The following IGF2BP3 variants were observed in gnomAD, a reference collection of about 807,000 sequenced individuals.
The protein encoded by IGF2BP3 is insulin-like growth factor 2 mRNA-binding protein 3.
Under a neutral mutation model 73.8 loss-of-function variants are expected in IGF2BP3, and 9 were observed. The observed-to-expected ratio is 0.12, with a 90% confidence interval of 0.07 to 0.21. IGF2BP3 has a LOEUF of 0.21. Ranked by LOEUF, IGF2BP3 falls within the 10% of genes least tolerant of loss-of-function variation. The probability of loss-of-function intolerance (pLI) is 1.00; values close to 1 mark genes in which losing one functional copy is unlikely to be tolerated. For missense variants in IGF2BP3, 542 were observed against 714.0 expected, an observed-to-expected ratio of 0.76 and a Z score of 2.75; for synonymous variants, 258 against 256.7, an observed-to-expected ratio of 1.01 and a Z score of -0.05.
chr7:23,442,400 T>G (rs1053803421), intron 2 of IGF2BP3, among the ~76,000 whole-genome samples: 1 of 130,000 alleles, frequency 7.7e-6, no homozygotes, highest in African/African-American at 2.9e-5. Context: ...ACATTCCATT[T>G]TTGTTTTGTT....
chr7:23,428,089 T>C (rs1471826694), intron 2 of IGF2BP3, among the ~76,000 whole-genome samples: 50 of 152,070 alleles, frequency 3.3e-4, no homozygotes, highest in Non-Finnish European at 2.5e-4. Flanking sequence ...AGCAGGAGGA[T>C]CACTTGAACC....
At chr7:23,392,689 G>T (rs1786323472) in intron 3 of IGF2BP3, among the ~76,000 whole-genome samples, 1 of 152,068 alleles carries the variant, frequency 6.6e-6, no homozygotes, top group African/African-American at 2.4e-5. Context: ...CAGTATGATT[G>T]CATGATCACG....
At chr7:23,320,961 AAAAAAAAAG>A (rs61225624) in intron 10 of IGF2BP3, among the ~76,000 whole-genome samples, 1,774 of 149,782 alleles carry the variant, frequency 0.012, 29 homozygotes, top group African/African-American at 0.042. Flanking sequence ...AAAAAAAAAA[AAAAAAAAAG>A]AAAAAACAAA....
chr7:23,413,808 C>A (rs1331970987), intron 3 of IGF2BP3: 1 of 152,114 alleles, frequency 6.6e-6, no homozygotes, highest in East Asian at 1.9e-4. Context: ...CCACCATTTT[C>A]CCTTATTTCT....
intron 3 of IGF2BP3, chr7:23,402,485 G>C (rs947381985): frequency 6.6e-6 from 1 of 152,194 alleles, no homozygotes; most frequent in Non-Finnish European, 1.5e-5. Context: ...GCAAAACAAA[G>C]GAGGTGATGG....
At chr7:23,326,393 C>T (rs1370369817) in intron 10 of IGF2BP3, among the ~76,000 whole-genome samples, 17 of 152,018 alleles carry the variant, frequency 1.1e-4, no homozygotes, top group Non-Finnish European at 2.4e-4. Flanking sequence ...GCTAGAATGG[C>T]AATCATTAAA....
At chr7:23,345,855 G>T in intron 8 of IGF2BP3, 85 bp downstream of exon 8, 1 of 1,464,530 alleles carries the variant, frequency 6.8e-7, no homozygotes, top group Non-Finnish European at 9.2e-7. Flanking sequence ...TGAAGCAGCT[G>T]TAAAGTGGGA....
rs146567456 is a variant in IGF2BP3, at chr7:23,397,916, G to A, written c.285+20860C>T. Among the ~76,000 whole-genome samples, 252 of 152,308 alleles carry A rather than the reference G, an allele frequency of 1.7e-3. 2 individuals carry two copies. The highest frequency in any genetic ancestry group is 5.8e-3 in the African/African-American group (242 of 41,556). ...ATATTATATGGGATTACCCGGGTGA[G>A]CCTTATGTAATCATGGATCCTTACA... is the stretch of plus-strand genomic sequence containing the variant. On this transcript the variant is annotated intron_variant, in intron 3 of 14. Transcript: ENST00000258729.
At chr7:23,347,809 A>G in intron 6 of IGF2BP3, 75 bp from the exon 7 acceptor site, 1 of 1,570,794 alleles carries the variant, frequency 6.4e-7, no homozygotes, top group Non-Finnish European at 8.7e-7. Flanking sequence ...TAATTACCAA[A>G]TGCAAAGTCA....
intron 2 of IGF2BP3, among the ~76,000 whole-genome samples, chr7:23,446,508 G>A (rs543139881): frequency 5.9e-5 from 9 of 152,254 alleles, no homozygotes; most frequent in Non-Finnish European, 1.3e-4. Context: ...AGTGAGCCGA[G>A]ATCGCACCAC....
intron 10 of IGF2BP3, among the ~76,000 whole-genome samples, chr7:23,320,947 C>CAAAAAAAA (rs70966008): frequency 3.1e-5 from 3 of 96,522 alleles, no homozygotes; most frequent in Admixed American, 1.0e-4. Context: ...AACTCTGTCT[C>CAAAAAAAA]AAAAAAAAAA....
At chr7:23,371,506 AAAAC>A (rs1388306479) in intron 3 of IGF2BP3, among the ~76,000 whole-genome samples, 1 of 152,240 alleles carries the variant, frequency 6.6e-6, no homozygotes, top group Admixed American at 6.5e-5. Flanking sequence ...ATATAATTCT[AAAAC>A]AAAATAAAGA....
intron 3 of IGF2BP3, among the ~76,000 whole-genome samples, chr7:23,412,276 C>T (rs1787048719): frequency 6.6e-6 from 1 of 152,146 alleles, no homozygotes; most frequent in South Asian, 2.1e-4. Flanking sequence ...AGCCACCATA[C>T]CAGGCCTACT....
chr7:23,455,429 C>T (rs1788293553), intron 2 of IGF2BP3, among the ~76,000 whole-genome samples: 1 of 152,190 alleles, frequency 6.6e-6, no homozygotes, highest in Non-Finnish European at 1.5e-5. Context: ...TTTCACATCC[C>T]TCTCTGAATG....
intron 7 of IGF2BP3, among the ~76,000 whole-genome samples, 157 bp downstream of exon 7, chr7:23,347,443 T>TAC (rs1562690054): frequency 6.6e-6 from 1 of 152,148 alleles, no homozygotes; most frequent in African/African-American, 2.4e-5. Flanking sequence ...TTAAAAGACA[T>TAC]ACACTTCACA....
intron 2 of IGF2BP3, among the ~76,000 whole-genome samples, chr7:23,441,915 G>T (rs988292698): frequency 4.6e-5 from 7 of 152,008 alleles, no homozygotes; most frequent in African/African-American, 1.7e-4. Context: ...ACCTGAGGTC[G>T]TGAGTTTGAG....
intron 12 of IGF2BP3, among the ~76,000 whole-genome samples, chr7:23,317,194 A>T (rs1182224224): frequency 6.6e-6 from 1 of 152,210 alleles, no homozygotes; most frequent in African/African-American, 2.4e-5. Flanking sequence ...CCTATCTCTA[A>T]GATCCCAGGG....
chr7:23,431,661 C>T (rs1471198103), intron 2 of IGF2BP3, among the ~76,000 whole-genome samples: 3 of 152,078 alleles, frequency 2.0e-5, no homozygotes, highest in African/African-American at 7.2e-5. Context: ...ATTACAAGGT[C>T]CCCTACACCG....
intron 2 of IGF2BP3, among the ~76,000 whole-genome samples, chr7:23,459,444 G>A (rs1788393069): frequency 6.6e-6 from 1 of 152,140 alleles, no homozygotes; most frequent in Non-Finnish European, 1.5e-5. Flanking sequence ...CCAGGTAAAG[G>A]TATTTTAAAC....
Sources: gnomAD v4.1 joint callset for allele counts (sites outside exome capture counted in the v4.1 genomes callset) on GRCh38, gnomAD v4.1.1 for gene constraint, MANE v1.5 for transcripts, NCBI Gene and HGNC (gene_info 2026-07-23, HGNC 2026-07-21) for gene names.